The following NAA15 variants were observed in gnomAD, a reference collection of about 807,000 sequenced individuals.
The protein encoded by NAA15 is N-terminal acetyltransferase.
NAA15 carries 34 observed loss-of-function variants against 114.0 expected under a neutral mutation model. The ratio of observed to expected loss-of-function variants is 0.30; its 90% confidence interval spans 0.23 to 0.40. The LOEUF (loss-of-function observed/expected upper bound fraction) is 0.40. NAA15 is among the 10% of genes least tolerant of loss of function. The pLI is 1.00. For missense variants in NAA15, 658 were observed against 1,004.5 expected, an observed-to-expected ratio of 0.66 and a Z score of 4.66; for synonymous variants, 340 against 338.0, an observed-to-expected ratio of 1.01 and a Z score of -0.06.
chr4:139,370,496 T>A, intron 15 of NAA15, 92 bp downstream of exon 15: 2 of 1,215,942 alleles, frequency 1.6e-6, no homozygotes, highest in Non-Finnish European at 2.2e-6. Context: ...TATATAACCT[T>A]ATGTGATATA....
chr4:139,336,449 G>A (rs1342081481), intron 2 of NAA15, among the ~76,000 whole-genome samples: 2 of 151,848 alleles, frequency 1.3e-5, no homozygotes, highest in Non-Finnish European at 1.5e-5. Context: ...AGTTTAACCC[G>A]TATATAACCT....
chr4:139,345,134 A>G (rs187286405), intron 6 of NAA15, among the ~76,000 whole-genome samples: 1 of 152,344 alleles, frequency 6.6e-6, no homozygotes, highest in East Asian at 1.9e-4. Context: ...ATATACATCC[A>G]TGTGCATAAT....
chr4:139,349,176 A>T (rs1395067119), intron 6 of NAA15, among the ~76,000 whole-genome samples: 1 of 152,042 alleles, frequency 6.6e-6, no homozygotes, highest in Non-Finnish European at 1.5e-5. Flanking sequence ...TGGCTTGGTG[A>T]CAGTGTGTTG....
chr4:139,368,484 C>A (rs1399858558), intron 14 of NAA15, among the ~76,000 whole-genome samples: 3 of 152,214 alleles, frequency 2.0e-5, no homozygotes, highest in East Asian at 3.8e-4. Context: ...GGATCTCCTT[C>A]CATGATGGCT....
intron 15 of NAA15, among the ~76,000 whole-genome samples, chr4:139,373,017 G>T (rs914220935): frequency 3.3e-5 from 5 of 152,104 alleles, no homozygotes; most frequent in African/African-American, 1.2e-4. Flanking sequence ...CTCCAGAGTA[G>T]CTGGCACTAC....
intron 1 of NAA15, among the ~76,000 whole-genome samples, chr4:139,321,574 C>T (rs1170731457): frequency 6.7e-6 from 1 of 148,358 alleles, no homozygotes; most frequent in Non-Finnish European, 1.5e-5. Flanking sequence ...CGGATTCATG[C>T]CATTCTCCTG....
intron 15 of NAA15, 149 bp from the exon 16 acceptor site, chr4:139,376,216 T>G (rs762524348): frequency 1.4e-4 from 74 of 520,666 alleles, no homozygotes; most frequent in Non-Finnish European, 2.0e-4. Context: ...ATCCCCTTTT[T>G]TAGGTTATAG....
At position 139,357,235 on chromosome 4, in the gene NAA15, T is replaced by C. The variant is rs571383798; in HGVS notation, c.1088-151T>C. 48 of 662,244 alleles carry C rather than the reference T, an allele frequency of 7.2e-5. No individual in the cohort carries two copies. The African/African-American group carries it at 8.1e-4, about 11-fold the overall frequency. The allele number at this position is 662,244 out of a possible 1,614,324, so 41.0% of individuals were successfully genotyped here. A position where few individuals can be genotyped will look rare whatever the true frequency, so the allele number is the denominator to read the frequency against. ...AAGAAAATATGGACCTTTCCAAAGA[T>C]CTTATAAACTTAGGAGGAGTTTTAT... On this transcript the variant is annotated intron_variant, in intron 10 of 19. Transcript: ENST00000296543.
Position 139,335,125 on chromosome 4 carries a change from G to C in NAA15, c.139+867G>C, listed in dbSNP as rs540585126. The stretch of plus-strand genomic sequence containing the variant: ...GCTTGAGGCCAGAAATTCAAGATCA[G>C]CCTGGGCAACATAGCGGGACCTTGT... On this transcript the variant is annotated intron_variant, in intron 2 of 19. Coordinates refer to ENST00000296543, the MANE Select transcript of NAA15 (RefSeq NM_057175.5). Among the ~76,000 whole-genome samples the C allele has an allele frequency of 9.5e-4, 145 of 152,192 alleles. 3 individuals are homozygous for C. In the South Asian group the frequency reaches 0.01, roughly 11 times the overall value.
chr4:139,357,568 T>G lies in NAA15; in HGVS notation c.1257+13T>G, dbSNP rs770150536. 12 of 1,516,348 alleles carry G rather than the reference T, an allele frequency of 7.9e-6. No individual in the cohort carries two copies. Among genetic ancestry groups the G allele is most frequent in the Non-Finnish European group, 1.1e-5 (12 of 1,107,684 alleles). 93.9% of individuals were successfully genotyped at this position (1,516,348 alleles called of 1,614,324 possible). A position where few individuals can be genotyped will look rare whatever the true frequency, so the allele number is the denominator to read the frequency against. On this transcript the variant is annotated intron_variant, in intron 11 of 19. Transcript: ENST00000296543. ...TAAAATCTATAAGGTAAAAATCTTT[T>G]TTTCTATTTTCTTATAAGGTAATGA...
At chr4:139,353,546 C>T (rs376595700) in intron 9 of NAA15, among the ~76,000 whole-genome samples, 3 of 152,204 alleles carry the variant, frequency 2.0e-5, no homozygotes, top group African/African-American at 7.2e-5. Context: ...GATGGCCACT[C>T]ATTCTCCTGG....
intron 15 of NAA15, among the ~76,000 whole-genome samples, chr4:139,373,069 A>G (rs1001008850): frequency 3.3e-5 from 5 of 151,986 alleles, no homozygotes; most frequent in Non-Finnish European, 7.4e-5. Context: ...TTTTATGGCA[A>G]TGGGATTCTA....
chr4:139,381,131 T>C lies in NAA15; in HGVS notation c.2155+2277T>C, dbSNP rs1317686598. Among the ~76,000 whole-genome samples, 6 of 152,180 alleles carry C rather than the reference T, an allele frequency of 3.9e-5. No homozygotes were observed. In the East Asian group the frequency reaches 1.2e-3, roughly 29 times the overall value. ...TGGCACCCTCCAAATCTCTAGAATA[T>C]GTTGTTATACTAACAATGTTATTAC... is the stretch of plus-strand genomic sequence containing the variant. On this transcript the variant is annotated intron_variant, in intron 17 of 19. Transcript: ENST00000296543.
chr4:139,386,653 A>G, intron 19 of NAA15: 1 of 152,916 alleles, frequency 6.5e-6, no homozygotes, highest in Non-Finnish European at 1.5e-5. Context: ...CAACATAGTG[A>G]GACCCCATCT....
At position 139,349,938 on chromosome 4, in the gene NAA15, A is replaced by G. The variant is rs115014927; in HGVS notation, c.811+357A>G. ...GAGGCAGAGGTTGCAGTGAGCCAGC[A>G]TAGTGCCACTGCATTCCACCCTGGG... On this transcript the variant is annotated intron_variant, in intron 7 of 19. Coordinates refer to ENST00000296543, the MANE Select transcript of NAA15 (RefSeq NM_057175.5). Among the ~76,000 whole-genome samples, 803 of 152,210 alleles carry G rather than the reference A, an allele frequency of 5.3e-3. 10 individuals carry two copies. Among genetic ancestry groups the G allele is most frequent in the African/African-American group, 0.018 (768 of 41,528 alleles).
chr4:139,360,276 C>G (rs2110956323), intron 12 of NAA15, among the ~76,000 whole-genome samples: 2 of 152,206 alleles, frequency 1.3e-5, no homozygotes, highest in East Asian at 3.9e-4. Flanking sequence ...GTTGAACACA[C>G]AGTGTGTGTT....
chr4:139,334,098 TAGAGA>T, intron 1 of NAA15, 71 bp from the exon 2 acceptor site: 1 of 846,464 alleles, frequency 1.2e-6, no homozygotes, highest in South Asian at 1.6e-5. Context: ...TTTAACAGAG[TAGAGA>T]AATTTAGCGT....
At chr4:139,320,958 T>C (rs1435048963) in intron 1 of NAA15, among the ~76,000 whole-genome samples, 2 of 152,202 alleles carry the variant, frequency 1.3e-5, no homozygotes, top group East Asian at 3.9e-4. Context: ...GCCACCTTCT[T>C]TTTATCCTCT....
At chr4:139,370,687 T>C (rs577340348) in intron 15 of NAA15, among the ~76,000 whole-genome samples, 1 of 152,354 alleles carries the variant, frequency 6.6e-6, no homozygotes, top group Non-Finnish European at 1.5e-5. Context: ...TTAGCTCTTA[T>C]ATTTTCACTG....
Sources: allele counts gnomAD v4.1 joint callset (sites outside exome capture counted in the v4.1 genomes callset), GRCh38; gene constraint gnomAD v4.1.1; transcripts MANE v1.5; gene names NCBI Gene and HGNC (gene_info 2026-07-23, HGNC 2026-07-21).